The following KHDRBS2 variants were observed in gnomAD, a reference collection of about 807,000 sequenced individuals.
KHDRBS2 encodes the protein KH domain-containing, RNA-binding, signal transduction-associated protein 2.
KHDRBS2 carries 26 observed loss-of-function variants against 44.3 expected under a neutral mutation model. The ratio of observed to expected loss-of-function variants is 0.59; its 90% CI spans 0.43 to 0.81. The LOEUF (loss-of-function observed/expected upper bound fraction) is 0.81, where lower values mean the gene tolerates loss of function less well. Among genes scored for constraint, KHDRBS2 ranks in the 40% least tolerant of loss-of-function variants. KHDRBS2 has a pLI of 0.00. For synonymous variants in KHDRBS2, 194 were observed against 151.1 expected (o/e 1.28, Z -2.08); for missense variants, 476 against 433.1 (o/e 1.10, Z -0.88).
At chr6:62,072,122 T>G (rs1795265857) in intron 2 of KHDRBS2, among the ~76,000 whole-genome samples, 1 of 152,210 alleles carries the variant, frequency 6.6e-6, no homozygotes, top group Non-Finnish European at 1.5e-5. Flanking sequence ...GGGAGTTCAC[T>G]CATGATTTGG....
chr6:61,746,704 T>C (rs1776906936), intron 6 of KHDRBS2, among the ~76,000 whole-genome samples: 1 of 152,158 alleles, frequency 6.6e-6, no homozygotes, highest in Non-Finnish European at 1.5e-5. Flanking sequence ...TATTTCTCAA[T>C]GGTATTTCTC....
At chr6:62,075,974 T>C (rs1352335856) in intron 2 of KHDRBS2, among the ~76,000 whole-genome samples, 1 of 151,852 alleles carries the variant, frequency 6.6e-6, no homozygotes. Context: ...TTTTTTTTGC[T>C]GTTATGCTTT....
chr6:62,116,731 T>A (rs964386474), intron 2 of KHDRBS2, among the ~76,000 whole-genome samples: 2 of 152,166 alleles, frequency 1.3e-5, no homozygotes, highest in Non-Finnish European at 2.9e-5. Context: ...TATATATGTA[T>A]AAATGCCAGT....
chr6:61,575,371 C>T, the KHDRBS2 span, among the ~76,000 whole-genome samples: 1 of 152,146 alleles, frequency 6.6e-6, no homozygotes, highest in Non-Finnish European at 1.5e-5. Flanking sequence ...AAATGCTAAA[C>T]ATCTCTAATT....
intron 8 of KHDRBS2, among the ~76,000 whole-genome samples, chr6:61,684,666 G>A (rs1370889936): frequency 1.3e-5 from 2 of 151,728 alleles, no homozygotes; most frequent in African/African-American, 4.8e-5. Flanking sequence ...CAGGATCATT[G>A]TCACATGAGA....
chr6:61,654,293 T>C, the KHDRBS2 span, among the ~76,000 whole-genome samples: 1 of 152,040 alleles, frequency 6.6e-6, no homozygotes, highest in Non-Finnish European at 1.5e-5. Context: ...GTGACACTAA[T>C]GTTAGCAGAA....
chr6:61,750,256 G>T (rs560938302), intron 6 of KHDRBS2, among the ~76,000 whole-genome samples: 1 of 152,282 alleles, frequency 6.6e-6, no homozygotes, highest in East Asian at 1.9e-4. Context: ...TCTGAGGAAG[G>T]CTCATGAATA....
intron 2 of KHDRBS2, among the ~76,000 whole-genome samples, chr6:62,075,036 G>A (rs1347339787): frequency 6.6e-6 from 1 of 151,908 alleles, no homozygotes; most frequent in Non-Finnish European, 1.5e-5. Context: ...GTGAAATACA[G>A]AGATACTGAG....
chr6:61,630,703 G>A, the KHDRBS2 span, among the ~76,000 whole-genome samples: 2 of 152,192 alleles, frequency 1.3e-5, no homozygotes, highest in East Asian at 3.9e-4. Flanking sequence ...CCAGAGAAGA[G>A]AGTGGCCTGG....
At position 61,699,267 on chromosome 6, in the gene KHDRBS2, T is replaced by C. The variant is rs565771692; in HGVS notation, c.894-2014A>G. On this transcript the variant is annotated intron_variant, in intron 7 of 8. Coordinates refer to ENST00000281156, the MANE Select transcript of KHDRBS2 (RefSeq NM_152688.4). ...CACGTCACAATTTAAAAAAATAACATGCAAAAGAGAAATTTAATTTAATTT... is the reference window on the plus strand; with the variant it reads ...CACGTCACAATTTAAAAAAATAACACGCAAAAGAGAAATTTAATTTAATTT... Among the ~76,000 whole-genome samples the C allele has an allele frequency of 3.3e-5, 5 of 152,120 alleles. No homozygotes were observed. The East Asian group carries it at 7.8e-4, about 24-fold the overall frequency.
chr6:61,951,298 T>A (rs1430381260), intron 4 of KHDRBS2, among the ~76,000 whole-genome samples: 1 of 151,984 alleles, frequency 6.6e-6, no homozygotes. Context: ...TAAATTCTCT[T>A]TGGAGAAGAA....
chr6:61,543,698 C>T, the KHDRBS2 span, among the ~76,000 whole-genome samples: 1 of 151,954 alleles, frequency 6.6e-6, no homozygotes. Context: ...TGAAAGTAAC[C>T]TAATTGTCCA....
At chr6:61,675,652 C>G (rs1165909674), downstream of KHDRBS2, among the ~76,000 whole-genome samples, 1 of 151,732 alleles carries the variant, frequency 6.6e-6, no homozygotes, top group Non-Finnish European at 1.5e-5. Flanking sequence ...TAAATGGCAT[C>G]AAATTGATTC....
rs1417309539 is a variant in KHDRBS2 at position 62,201,716 on chromosome 6, T to C, written c.92-24404A>G. 8.5e-5 allele frequency among the ~76,000 whole-genome samples: 13 copies of C among 152,214 alleles called. No individual in the cohort carries two copies. In the East Asian group the frequency reaches 2.5e-3, roughly 29 times the overall value. ...CTTTAAAAGACCATAAACTATTATA[T>C]AGTCATTTGTGCCTAATACCTTAAG... On this transcript the variant is annotated intron_variant, in intron 1 of 8. Coordinates refer to ENST00000281156, the MANE Select transcript of KHDRBS2 (RefSeq NM_152688.4).
intron 6 of KHDRBS2, among the ~76,000 whole-genome samples, chr6:61,803,712 T>G (rs1020661032): frequency 1.3e-5 from 2 of 152,164 alleles, no homozygotes; most frequent in Admixed American, 6.5e-5. Flanking sequence ...TCTGCATGAC[T>G]GTGGAGGCCT....
chr6:61,940,412 C>T (rs1811909052), intron 4 of KHDRBS2, among the ~76,000 whole-genome samples: 1 of 152,064 alleles, frequency 6.6e-6, no homozygotes. Flanking sequence ...ATCCTCAATC[C>T]TCGCCGGCCC....
intron 3 of KHDRBS2, among the ~76,000 whole-genome samples, chr6:62,018,349 C>T (rs1198880781): frequency 2.1e-5 from 3 of 140,664 alleles, no homozygotes; most frequent in Non-Finnish European, 4.6e-5. Context: ...GTCCTTATTT[C>T]CTTCTCACCC....
intron 6 of KHDRBS2, among the ~76,000 whole-genome samples, chr6:61,776,703 C>G (rs1443426231): frequency 6.6e-6 from 1 of 152,122 alleles, no homozygotes; most frequent in Non-Finnish European, 1.5e-5. Flanking sequence ...CTGTAAACTA[C>G]TTCAACCATC....
intron 6 of KHDRBS2, among the ~76,000 whole-genome samples, chr6:61,884,149 T>C (rs868119484): frequency 1.4e-4 from 21 of 152,068 alleles, no homozygotes; most frequent in Non-Finnish European, 2.6e-4. Flanking sequence ...TTAAGGACTA[T>C]TGATTTACCA....
Sources: gnomAD v4.1 joint callset for allele counts (sites outside exome capture counted in the v4.1 genomes callset) on GRCh38, gnomAD v4.1.1 for gene constraint, MANE v1.5 for transcripts, NCBI Gene and HGNC (gene_info 2026-07-23, HGNC 2026-07-21) for gene names.